SH2D4A: variants seen among roughly 807,000 people sequenced by gnomAD.
SH2D4A encodes SH2 domain containing 4A.
In SH2D4A, 70 loss-of-function variants were observed where a neutral mutation model predicts 64.7. The observed-to-expected ratio is 1.08, with a 90% CI of 0.89 to 1.32. The LOEUF (loss-of-function observed/expected upper bound fraction) is 1.32, where lower values mean the gene tolerates loss of function less well. Ranked by LOEUF, SH2D4A falls within the 40% of genes most tolerant of loss-of-function variation. The probability of loss-of-function intolerance (pLI) is 0.00; values close to 1 mark genes in which losing one functional copy is unlikely to be tolerated. For synonymous variants in SH2D4A, 268 were observed against 200.7 expected (o/e 1.34, Z -2.83); for missense variants, 706 against 540.1 (o/e 1.31, Z -3.04).
Position 19,394,777 on chromosome 8 carries a change from T to C in SH2D4A, c.*135T>C. The C allele has an allele frequency of 2.1e-6, 1 of 480,478 alleles. No individual in the cohort carries two copies. 29.8% of individuals were successfully genotyped at this position (480,478 alleles called of 1,614,324 possible). On this transcript the variant is annotated 3_prime_UTR_variant, in exon 10 of 10. Transcript: ENST00000265807. ...TGATCAACTGAAAGTAAAGTATCCA[T>C]GGAGTCCTCATTGACACCTCTTTTC...
At chr8:19,371,356 T>C (rs939315199) in intron 7 of SH2D4A, among the ~76,000 whole-genome samples, 4 of 142,700 alleles carry the variant, frequency 2.8e-5, no homozygotes, top group Admixed American at 2.0e-4. Flanking sequence ...CTGGGTTGCA[T>C]TTTTTTTTTC....
At chr8:19,314,558 G>T (rs1585136720) in intron 1 of SH2D4A, among the ~76,000 whole-genome samples, 1 of 152,202 alleles carries the variant, frequency 6.6e-6, no homozygotes, top group South Asian at 2.1e-4. Context: ...AGGAGCTACA[G>T]TTTGTAGGTT....
intron 5 of SH2D4A, among the ~76,000 whole-genome samples, chr8:19,359,477 C>T (rs953717471): frequency 1.3e-5 from 2 of 152,094 alleles, no homozygotes; most frequent in Admixed American, 1.3e-4. Context: ...AAAATAAACA[C>T]GTATGCATGT....
Position 19,339,035 on chromosome 8 carries a change from G to A in SH2D4A, c.513+4178G>A, listed in dbSNP as rs1185557833. ...GTCCCCAAACCTCAAAAGCAGGGAA[G>A]CCGACAGTGCAGCCTTCAGTCTGTG... On this transcript the variant is annotated intron_variant, in intron 4 of 9. Transcript: ENST00000265807. Among the ~76,000 whole-genome samples the A allele has an allele frequency of 2.0e-5, 3 of 152,218 alleles. No homozygotes were observed. The East Asian group carries it at 5.8e-4, about 29-fold the overall frequency.
chr8:19,351,409 C>G (rs1263664704), intron 4 of SH2D4A, among the ~76,000 whole-genome samples: 1 of 152,126 alleles, frequency 6.6e-6, no homozygotes, highest in East Asian at 1.9e-4. Context: ...GGAGACCATC[C>G]TGGCTAACAC....
At chr8:19,331,164 G>C (rs1295224073) in intron 2 of SH2D4A, among the ~76,000 whole-genome samples, 2 of 152,192 alleles carry the variant, frequency 1.3e-5, no homozygotes, top group African/African-American at 2.4e-5. Context: ...AAGAAAGCAC[G>C]AGCCTGGCTT....
chr8:19,369,056 G>A (rs1186393793), intron 7 of SH2D4A, among the ~76,000 whole-genome samples: 1 of 152,034 alleles, frequency 6.6e-6, no homozygotes, highest in Non-Finnish European at 1.5e-5. Flanking sequence ...TTGAATTTTA[G>A]TAAATGCTTT....
intron 4 of SH2D4A, among the ~76,000 whole-genome samples, chr8:19,340,660 C>T (rs373828131): frequency 2.2e-5 from 3 of 134,512 alleles, no homozygotes; most frequent in South Asian, 4.9e-4. Context: ...GGCTGGAATA[C>T]AGTGGCACAA....
chr8:19,375,299 A>G (rs893192341), intron 8 of SH2D4A: 3 of 152,222 alleles, frequency 2.0e-5, no homozygotes, highest in Admixed American at 6.5e-5. Context: ...TTTCATGATA[A>G]AGAGAATATG....
intron 8 of SH2D4A, among the ~76,000 whole-genome samples, chr8:19,379,819 C>G (rs925981409): frequency 3.3e-5 from 5 of 152,174 alleles, no homozygotes; most frequent in African/African-American, 1.2e-4. Context: ...TCACTGCAGT[C>G]TCAAACTCCT....
chr8:19,327,044 C>T lies in SH2D4A; in HGVS notation c.182-5911C>T, dbSNP rs1020646904. Among the ~76,000 whole-genome samples the T allele has an allele frequency of 7.2e-5, 11 of 152,348 alleles. No homozygotes were observed. The South Asian group carries it at 1.0e-3, about 14-fold the overall frequency. ...CACTTTTATCTGATGTTTTTCAATA[C>T]TGCCTAGTTAGAGGAGGCCCTAGGG... On this transcript the variant is annotated intron_variant, in intron 2 of 9. Transcript: ENST00000265807.
chr8:19,355,776 A>T (rs1177827542), intron 4 of SH2D4A, among the ~76,000 whole-genome samples: 3 of 152,236 alleles, frequency 2.0e-5, no homozygotes, highest in Non-Finnish European at 2.9e-5. Flanking sequence ...AGTATGCATT[A>T]GTGCTCATTA....
chr8:19,366,065 CAT>C (rs938535215), intron 7 of SH2D4A, among the ~76,000 whole-genome samples: 10 of 152,168 alleles, frequency 6.6e-5, no homozygotes, highest in Non-Finnish European at 5.9e-5. Context: ...CTCAGAAGCA[CAT>C]GTTATAAAAA....
At chr8:19,362,893 A>G (rs1251348101) in intron 6 of SH2D4A, among the ~76,000 whole-genome samples, 1 of 152,142 alleles carries the variant, frequency 6.6e-6, no homozygotes, top group Non-Finnish European at 1.5e-5. Context: ...TTACAAAGTC[A>G]ACATCAGTGT....
chr8:19,360,438 A>T (rs1251339320), intron 5 of SH2D4A, among the ~76,000 whole-genome samples: 1 of 151,856 alleles, frequency 6.6e-6, no homozygotes, highest in African/African-American at 2.4e-5. Flanking sequence ...ACATGGTGAA[A>T]CTCCATCTCT....
intron 2 of SH2D4A, among the ~76,000 whole-genome samples, chr8:19,323,052 A>G (rs1307274529): frequency 2.0e-5 from 3 of 152,108 alleles, no homozygotes; most frequent in Non-Finnish European, 2.9e-5. Flanking sequence ...ACTTAGTACT[A>G]TATGAGAAGA....
At chr8:19,323,483 C>T (rs142024634) in intron 2 of SH2D4A, among the ~76,000 whole-genome samples, 73 of 151,538 alleles carry the variant, frequency 4.8e-4, no homozygotes, top group Middle Eastern at 3.4e-3. Context: ...TAAATTCTAG[C>T]GATTCTCCTT....
intron 7 of SH2D4A, among the ~76,000 whole-genome samples, chr8:19,367,061 T>C (rs2053009637): frequency 6.6e-6 from 1 of 152,024 alleles, no homozygotes; most frequent in Non-Finnish European, 1.5e-5. Flanking sequence ...TCACCAGCAA[T>C]TTTTTTTATT....
At chr8:19,345,114 G>A (rs540679387) in intron 4 of SH2D4A, among the ~76,000 whole-genome samples, 10 of 152,280 alleles carry the variant, frequency 6.6e-5, no homozygotes, top group Non-Finnish European at 1.3e-4. Context: ...CTTTTAAATT[G>A]TTTAGTGATC....
Sources: allele counts gnomAD v4.1 joint callset (sites outside exome capture counted in the v4.1 genomes callset), GRCh38; gene constraint gnomAD v4.1.1; transcripts MANE v1.5; gene names NCBI Gene and HGNC (gene_info 2026-07-23, HGNC 2026-07-21).